The following SPATA16 variants were observed in gnomAD, a reference collection of about 807,000 sequenced individuals.
The protein encoded by SPATA16 is spermatogenesis associated 16.
Under a neutral mutation model 63.3 loss-of-function variants are expected in SPATA16, and 36 were observed. The ratio of observed to expected loss-of-function variants is 0.57; its 90% CI spans 0.44 to 0.75. The LOEUF is 0.75. Among genes scored for constraint, SPATA16 ranks in the 30% least tolerant of loss-of-function variants. The pLI, the probability that SPATA16 is intolerant of heterozygous loss-of-function variation, is 0.00. For synonymous variants in SPATA16, 203 were observed against 216.7 expected (o/e 0.94, Z 0.56); for missense variants, 646 against 679.3 (o/e 0.95, Z 0.54).
intron 6 of SPATA16, among the ~76,000 whole-genome samples, chr3:172,945,075 C>T (rs565385671): frequency 9.2e-5 from 14 of 151,938 alleles, no homozygotes; most frequent in African/African-American, 2.4e-4. Context: ...GATTAGGATC[C>T]GAAAAATCTT....
chr3:173,000,340 C>A (rs1553790718), intron 4 of SPATA16, among the ~76,000 whole-genome samples: 1 of 152,048 alleles, frequency 6.6e-6, no homozygotes, highest in African/African-American at 2.4e-5. Context: ...TTAGAGTAAC[C>A]CAAATAGACT....
At chr3:172,953,399 T>C (rs1733498222) in intron 6 of SPATA16, among the ~76,000 whole-genome samples, 1 of 152,142 alleles carries the variant, frequency 6.6e-6, no homozygotes, top group African/African-American at 2.4e-5. Flanking sequence ...TCTAGTCTTC[T>C]GTGGAATGGA....
chr3:172,950,701 T>C (rs1032940005), intron 6 of SPATA16, among the ~76,000 whole-genome samples: 6 of 152,174 alleles, frequency 3.9e-5, no homozygotes, highest in African/African-American at 7.2e-5. Flanking sequence ...AACAAGGTTA[T>C]AAATTTCAAT....
chr3:173,082,150 G>A (rs572218198), intron 2 of SPATA16, among the ~76,000 whole-genome samples: 100 of 152,226 alleles, frequency 6.6e-4, no homozygotes, highest in African/African-American at 1.9e-3. Flanking sequence ...TGTACCAGGC[G>A]TACCCCAACA....
chr3:173,063,360 T>G (rs1232214001), intron 2 of SPATA16, among the ~76,000 whole-genome samples: 1 of 151,992 alleles, frequency 6.6e-6, no homozygotes, highest in East Asian at 1.9e-4. Flanking sequence ...CATGCAAAAG[T>G]GGAAAGAAGA....
chr3:173,054,848 A>G lies in SPATA16; in HGVS notation c.613-5754T>C, dbSNP rs113993030. On this transcript the variant is annotated intron_variant, in intron 2 of 10. Transcript: ENST00000351008. ...TTACATGCCCATAGAAAATTCACCA[A>G]TATAGACCATATCCTGGGCTATAAA... is the stretch of plus-strand genomic sequence containing the variant. 4.1e-4 allele frequency among the ~76,000 whole-genome samples: 62 copies of G among 152,192 alleles called. 1 individual carries two copies. Among genetic ancestry groups the G allele is most frequent in the Non-Finnish European group, 7.5e-4 (51 of 68,022 alleles).
chr3:172,919,853 G>C (rs1024776510), intron 8 of SPATA16, among the ~76,000 whole-genome samples: 2 of 151,674 alleles, frequency 1.3e-5, no homozygotes, highest in Non-Finnish European at 1.5e-5. Context: ...ATTTTTTTGT[G>C]TGTTTGTGTG....
intron 3 of SPATA16, among the ~76,000 whole-genome samples, chr3:173,039,774 GA>G (rs1310392149): frequency 1.3e-5 from 2 of 152,068 alleles, no homozygotes. Flanking sequence ...AGAGCTGTGG[GA>G]GGCATGGCAA....
intron 4 of SPATA16, among the ~76,000 whole-genome samples, chr3:172,984,011 G>A (rs1734384184): frequency 8.0e-6 from 1 of 125,726 alleles, no homozygotes. Flanking sequence ...TTCTAAATAA[G>A]CTTCACATTT....
chr3:173,135,070 C>T (rs546278), intron 1 of SPATA16, among the ~76,000 whole-genome samples: 151,586 of 152,358 alleles, frequency 0.99, 75,412 homozygotes, highest in East Asian at 1. Context: ...ATATATTTGA[C>T]GTGGACTTGT....
chr3:172,973,758 G>A (rs1230795573), intron 5 of SPATA16, among the ~76,000 whole-genome samples: 2 of 151,970 alleles, frequency 1.3e-5, no homozygotes, highest in African/African-American at 2.4e-5. Context: ...AATACGATAG[G>A]GCAGCTATTT....
intron 5 of SPATA16, among the ~76,000 whole-genome samples, chr3:172,958,759 A>G (rs149639221): frequency 6.6e-6 from 1 of 152,162 alleles, no homozygotes; most frequent in Non-Finnish European, 1.5e-5. Context: ...ATGTCTTCAC[A>G]TGGTCATTCC....
chr3:173,081,883 A>T (rs903490548), intron 2 of SPATA16, among the ~76,000 whole-genome samples: 5 of 152,222 alleles, frequency 3.3e-5, no homozygotes, highest in African/African-American at 1.2e-4. Context: ...GATATCATTT[A>T]TTATGGTAAT....
At chr3:173,078,140 A>AT (rs747768661) in intron 2 of SPATA16, among the ~76,000 whole-genome samples, 50 of 152,308 alleles carry the variant, frequency 3.3e-4, no homozygotes, top group Middle Eastern at 3.4e-3. Flanking sequence ...CATTTTATAG[A>AT]TAAAAAAAAT....
At chr3:173,105,151 G>A (rs1466285921) in intron 2 of SPATA16, among the ~76,000 whole-genome samples, 1 of 152,202 alleles carries the variant, frequency 6.6e-6, no homozygotes, top group Non-Finnish European at 1.5e-5. Flanking sequence ...TGAGTGCAAA[G>A]ACTAATTGTG....
At chr3:173,037,101 A>G (rs1297366665) in intron 3 of SPATA16, among the ~76,000 whole-genome samples, 2 of 152,008 alleles carry the variant, frequency 1.3e-5, no homozygotes. Flanking sequence ...GAGGATCACT[A>G]TACAAGTAAA....
chr3:173,003,198 GACAA>G (rs1437976384), intron 4 of SPATA16, among the ~76,000 whole-genome samples: 1 of 152,004 alleles, frequency 6.6e-6, no homozygotes, highest in Non-Finnish European at 1.5e-5. Context: ...GATGATGAAA[GACAA>G]ACAATCCAGT....
At chr3:173,016,993 G>A (rs1348056746) in intron 4 of SPATA16, among the ~76,000 whole-genome samples, 2 of 141,442 alleles carry the variant, frequency 1.4e-5, no homozygotes, top group Non-Finnish European at 3.1e-5. Context: ...TCCAGCCTGG[G>A]CAGCAGAACA....
In SPATA16 at chr3:172,899,876, T is replaced by A. The variant is rs145670855; in HGVS notation, c.1588-10184A>T. 1.7e-3 allele frequency among the ~76,000 whole-genome samples: 262 copies of A among 152,288 alleles called. 1 individual carries two copies. Among genetic ancestry groups the A allele is most frequent in the Middle Eastern group, 0.014 (4 of 294 alleles). On this transcript the variant is annotated intron_variant, in intron 10 of 10. Coordinates refer to ENST00000351008, the MANE Select transcript of SPATA16 (RefSeq NM_031955.6). ...TTTGAAGTATAGAATCATTGCTTTGTCTCTTCACCCTCTCCCATTTTTAAT... is the reference window on the plus strand; with the variant it reads ...TTTGAAGTATAGAATCATTGCTTTGACTCTTCACCCTCTCCCATTTTTAAT...
Sources: gnomAD v4.1 joint callset for allele counts (sites outside exome capture counted in the v4.1 genomes callset) on GRCh38, gnomAD v4.1.1 for gene constraint, MANE v1.5 for transcripts, NCBI Gene and HGNC (gene_info 2026-07-23, HGNC 2026-07-21) for gene names.